The following SMARCC1 variants were observed in gnomAD, a reference collection of about 807,000 sequenced individuals.
SMARCC1 encodes the protein SWI/SNF related BAF chromatin remodeling complex subunit C1.
A neutral mutation model predicts 147.4 loss-of-function variants in SMARCC1; 43 were observed. The ratio of observed to expected loss-of-function variants is 0.29; its 90% CI spans 0.23 to 0.38. SMARCC1 has a LOEUF of 0.38. Among genes scored for constraint, SMARCC1 ranks in the 10% least tolerant of loss-of-function variants. The pLI is 1.00. For missense variants in SMARCC1, 1,119 were observed against 1,381.1 expected (o/e 0.81, Z 3.01); for synonymous variants, 495 against 484.4 (o/e 1.02, Z -0.29).
chr3:47,730,890 A>G (rs1289342952), intron 5 of SMARCC1, among the ~76,000 whole-genome samples: 1 of 151,956 alleles, frequency 6.6e-6, no homozygotes, highest in Non-Finnish European at 1.5e-5. Flanking sequence ...AAATGCCAAC[A>G]ATCATCTGAG....
At chr3:47,713,094 G>A (rs572594454) in intron 8 of SMARCC1, among the ~76,000 whole-genome samples, 13 of 152,072 alleles carry the variant, frequency 8.5e-5, no homozygotes, top group Middle Eastern at 3.4e-3. Context: ...AGGTCCAGGC[G>A]GGCAGATCAC....
At chr3:47,725,742 G>A (rs925735530) in intron 6 of SMARCC1, among the ~76,000 whole-genome samples, 11 of 151,844 alleles carry the variant, frequency 7.2e-5, no homozygotes, top group Non-Finnish European at 1.5e-4. Context: ...ATGAGCCATC[G>A]GGCCCAGCCC....
At chr3:47,635,161 G>A (rs2032951552) in intron 24 of SMARCC1, 29 bp downstream of exon 24, 2 of 1,603,090 alleles carry the variant, frequency 1.2e-6, no homozygotes, top group Admixed American at 1.7e-5. Flanking sequence ...CCTTAAGAGA[G>A]CACTGGAAAA....
chr3:47,598,317 G>A (rs1402477437), intron 26 of SMARCC1, among the ~76,000 whole-genome samples: 1 of 152,152 alleles, frequency 6.6e-6, no homozygotes, highest in Admixed American at 6.5e-5. Context: ...GCAGACGAAA[G>A]AACACTCCTA....
At chr3:47,755,419 C>T (rs1470826320) in intron 2 of SMARCC1, among the ~76,000 whole-genome samples, 6 of 149,162 alleles carry the variant, frequency 4.0e-5, no homozygotes, top group African/African-American at 1.5e-4. Context: ...ATGGCGTGAA[C>T]CCGGGAGGCA....
chr3:47,677,761 C>T (rs981400552), intron 16 of SMARCC1, among the ~76,000 whole-genome samples: 2 of 152,114 alleles, frequency 1.3e-5, no homozygotes, highest in African/African-American at 4.8e-5. Context: ...CAGGCTCGAA[C>T]TCCTGACCTC....
chr3:47,677,365 T>C (rs1475021731), intron 16 of SMARCC1, among the ~76,000 whole-genome samples: 1 of 150,852 alleles, frequency 6.6e-6, no homozygotes, highest in Non-Finnish European at 1.5e-5. Context: ...CCTCCCAAAG[T>C]GCTGGGATTA....
At chr3:47,732,232 C>CCT (rs1285753962) in intron 5 of SMARCC1, among the ~76,000 whole-genome samples, 4 of 152,216 alleles carry the variant, frequency 2.6e-5, no homozygotes, top group African/African-American at 4.8e-5. Context: ...AGCTTCCTCA[C>CCT]CTCTCTCTCT....
intron 10 of SMARCC1, 37 bp downstream of exon 10, chr3:47,706,371 CT>C: frequency 6.8e-7 from 1 of 1,468,638 alleles, no homozygotes; most frequent in South Asian, 1.5e-5. Context: ...CACGTCCGGC[CT>C]GTTTTAATGC....
At chr3:47,651,190 G>C (rs1424314994) in intron 21 of SMARCC1, among the ~76,000 whole-genome samples, 2 of 152,066 alleles carry the variant, frequency 1.3e-5, no homozygotes, top group Admixed American at 6.5e-5. Context: ...TGTGGTCCCA[G>C]CTATTGGGGA....
At chr3:47,745,790 G>T in intron 3 of SMARCC1, 118 bp downstream of exon 3, 1 of 546,194 alleles carries the variant, frequency 1.8e-6, no homozygotes, top group Non-Finnish European at 3.2e-6. Context: ...AGGTAAATTA[G>T]GGCTCTTGGT....
intron 2 of SMARCC1, among the ~76,000 whole-genome samples, chr3:47,752,738 C>G (rs1165603873): frequency 6.6e-6 from 1 of 151,960 alleles, no homozygotes; most frequent in Non-Finnish European, 1.5e-5. Context: ...TGCAGTGACC[C>G]ATGATCACAG....
intron 26 of SMARCC1, among the ~76,000 whole-genome samples, chr3:47,593,232 C>T (rs2032214814): frequency 6.6e-6 from 1 of 150,978 alleles, no homozygotes; most frequent in South Asian, 2.1e-4. Context: ...CTCGCTGTGT[C>T]GCGATCCTGG....
Position 47,598,862 on chromosome 3 carries a change from G to GACACACAC in SMARCC1, c.3044-8033_3044-8026dup, listed in dbSNP as rs113400730. On this transcript the variant is annotated intron_variant, in intron 26 of 27. Coordinates refer to ENST00000254480, the MANE Select transcript of SMARCC1 (RefSeq NM_003074.4). ...AAAAAAAAAAAAAAAGAGAGAGAGA[G>GACACACAC]ACACACACACACACACACACACACA... Among the ~76,000 whole-genome samples the GACACACAC allele has an allele frequency of 1.7e-3, 214 of 128,120 alleles. 1 individual carries two copies. The highest frequency in any genetic ancestry group is 4.9e-3 in the African/African-American group (155 of 31,818). The allele number at this position is 128,120 out of a possible 152,430, so 84.1% of individuals were successfully genotyped here. A position where few individuals can be genotyped will look rare whatever the true frequency, so the allele number is the denominator to read the frequency against.
At position 47,676,752 on chromosome 3, in the gene SMARCC1, G is replaced by A. The variant is rs762903949; in HGVS notation, c.1602C>T (p.Leu534=). 21 of 1,613,364 alleles carry A rather than the reference G, an allele frequency of 1.3e-5. No homozygotes were observed. The highest frequency in any genetic ancestry group is 2.2e-5 in the East Asian group (1 of 44,894). ...TTTCCGGGTCAACTTGGTAATTAAC[G>A]AGTCCCCACTGCTCTAAAAAGGCAT... is the stretch of plus-strand genomic sequence containing the variant. ...RVHAFLEQWG[L]VNYQVDPESR... is the part of the protein sequence containing the mutation. The change falls in exon 17 of 28, where the codon CTC becomes CTT. Residue 534 remains leucine, a synonymous_variant. Transcript: ENST00000254480.
At chr3:47,693,897 A>G (rs765013074) in intron 11 of SMARCC1, among the ~76,000 whole-genome samples, 1 of 152,200 alleles carries the variant, frequency 6.6e-6, no homozygotes, top group African/African-American at 2.4e-5. Context: ...TCCTGAGCTC[A>G]TGCAATCCAT....
chr3:47,724,332 G>A (rs1246798884), intron 6 of SMARCC1, among the ~76,000 whole-genome samples: 1 of 152,190 alleles, frequency 6.6e-6, no homozygotes, highest in Non-Finnish European at 1.5e-5. Context: ...GCTATGACAT[G>A]AATGAACAAT....
chr3:47,677,043 C>T (rs1002746378), intron 16 of SMARCC1, among the ~76,000 whole-genome samples: 2 of 152,188 alleles, frequency 1.3e-5, no homozygotes, highest in Non-Finnish European at 2.9e-5. Flanking sequence ...CACGAATACG[C>T]ATTTAGGTCC....
chr3:47,626,461 A>T (rs1446549764), intron 24 of SMARCC1, among the ~76,000 whole-genome samples: 1 of 146,794 alleles, frequency 6.8e-6, no homozygotes, highest in Admixed American at 6.8e-5. Context: ...CTGTCTTTAA[A>T]AAAAAAAAAA....
Sources: allele counts gnomAD v4.1 joint callset (sites outside exome capture counted in the v4.1 genomes callset), GRCh38; gene constraint gnomAD v4.1.1; transcripts MANE v1.5; gene names NCBI Gene and HGNC (gene_info 2026-07-23, HGNC 2026-07-21).